Variants in RTL9 observed in about 807,000 individuals in gnomAD.
RTL9 encodes the protein retrotransposon Gag-like protein 9.
A neutral mutation model predicts 44.7 loss-of-function variants in RTL9; 19 were observed. That is an observed-to-expected ratio of 0.42 (90% CI 0.30 to 0.62). The LOEUF is 0.62. Ranked by LOEUF, RTL9 falls within the 20% of genes least tolerant of loss-of-function variation. RTL9 has a pLI of 0.16. For missense variants in RTL9, 1,105 were observed against 1,080.6 expected (o/e 1.02, Z -0.32); for synonymous variants, 407 against 398.9 (o/e 1.02, Z -0.24).
chrX:110,381,408 A>C (rs1016250369), intron 1 of RTL9, among the ~76,000 whole-genome samples: 1 of 112,078 alleles, frequency 8.9e-6, no homozygotes, highest in Non-Finnish European at 1.9e-5. Context: ...GGCTATTATT[A>C]AAACGTCAAA....
intron 2 of RTL9, among the ~76,000 whole-genome samples, chrX:110,445,554 A>G (rs928150483): frequency 1.8e-5 from 2 of 111,653 alleles, no homozygotes; most frequent in African/African-American, 6.5e-5. Context: ...AAGATCCTAA[A>G]GTAGACCAGG....
chrX:110,453,450 G>T (rs1257728312), exon 1 of RTL9: 4 of 1,211,636 alleles, frequency 3.3e-6, no homozygotes, highest in Admixed American at 2.2e-5. Flanking sequence ...AACAGCCATG[G>T]TCTCTGGAGG....
upstream of RTL9, among the ~76,000 whole-genome samples, chrX:110,447,802 C>G (rs1482607969): frequency 9.0e-6 from 1 of 111,251 alleles, no homozygotes; most frequent in African/African-American, 3.3e-5. Context: ...CTCTACATCC[C>G]TATACCTAGG....
At chrX:110,385,517 C>T (rs2068449137) in intron 1 of RTL9, among the ~76,000 whole-genome samples, 1 of 111,530 alleles carries the variant, frequency 9.0e-6, no homozygotes, top group Non-Finnish European at 1.9e-5. Context: ...ATCCCTGAAG[C>T]TCCCTCTCCC....
At chrX:110,429,011 G>A (rs2068775346) in intron 1 of RTL9, among the ~76,000 whole-genome samples, 1 of 111,459 alleles carries the variant, frequency 9.0e-6, no homozygotes, top group African/African-American at 3.3e-5. Flanking sequence ...CTTTCTCCAC[G>A]GCTTTTGTCA....
rs1388053025 is a variant in RTL9 at position 110,377,958 on chromosome X, G to A, written c.-168+19042G>A. 8.4e-5 allele frequency among the ~76,000 whole-genome samples: 8 copies of A among 94,675 alleles called. No homozygotes were observed. In the South Asian group the frequency reaches 2.6e-3, roughly 31 times the overall value. 82.2% of individuals were successfully genotyped at this position (94,675 alleles called of 115,157 possible). On this transcript the variant is annotated intron_variant, in intron 1 of 2. Coordinates refer to the RTL9 transcript ENST00000520821. ...CGGGAGGCGGAGCTTGCAGTGAGCC[G>A]AGATCGCGCCACTGCACTCCAGCCT...
At chrX:110,436,947 T>C (rs1205220489) in intron 1 of RTL9, among the ~76,000 whole-genome samples, 2 of 112,060 alleles carry the variant, frequency 1.8e-5, no homozygotes, top group African/African-American at 6.5e-5. Flanking sequence ...GCTTTGTTAG[T>C]GCTTCAGGAG....
chrX:110,423,935 G>GT (rs1186468598), intron 1 of RTL9, among the ~76,000 whole-genome samples: 3 of 112,376 alleles, frequency 2.7e-5, no homozygotes, highest in Non-Finnish European at 5.6e-5. Context: ...GATGTCTGTA[G>GT]TTTTTTCATG....
chrX:110,374,790 A>C (rs894854114), intron 1 of RTL9, among the ~76,000 whole-genome samples: 7 of 110,633 alleles, frequency 6.3e-5, no homozygotes, highest in African/African-American at 2.3e-4. Flanking sequence ...ATAGGATAGG[A>C]AATGAGCTTG....
chrX:110,437,723 G>T (rs1165549485), intron 1 of RTL9, among the ~76,000 whole-genome samples: 3 of 111,491 alleles, frequency 2.7e-5, no homozygotes, highest in Non-Finnish European at 3.8e-5. Flanking sequence ...TGGGAAGGGG[G>T]TCTCAAAAGT....
chrX:110,450,643 G>A (rs1395626075), exon 1 of RTL9: 2 of 1,208,507 alleles, frequency 1.7e-6, no homozygotes, highest in Non-Finnish European at 2.2e-6. Context: ...CATTCACTGC[G>A]ATTCAACAAT....
At chrX:110,418,842 T>G (rs1044328867), upstream of RTL9, among the ~76,000 whole-genome samples, 7 of 111,819 alleles carry the variant, frequency 6.3e-5, no homozygotes, top group Non-Finnish European at 1.1e-4. Flanking sequence ...AATTAAGCAG[T>G]GAGTTCTTTC....
At chrX:110,411,404 C>T (rs948168879) in intron 1 of RTL9, among the ~76,000 whole-genome samples, 6 of 111,747 alleles carry the variant, frequency 5.4e-5, no homozygotes, top group Non-Finnish European at 1.1e-4. Flanking sequence ...CTGTGACAAC[C>T]GGCCTGCCAC....
At chrX:110,454,580 A>G in exon 1 of RTL9, 1 of 1,211,719 alleles carries the variant, frequency 8.3e-7, no homozygotes, top group Non-Finnish European at 1.1e-6. Context: ...CAGGCAACTC[A>G]AGCCAGGTTC....
chrX:110,453,353 A>G, exon 1 of RTL9: 1 of 1,211,792 alleles, frequency 8.3e-7, no homozygotes, highest in South Asian at 1.8e-5. Context: ...CTATGTCCAC[A>G]CCACTAAGGA....
At chrX:110,412,529 G>C (rs1356223787) in intron 1 of RTL9, among the ~76,000 whole-genome samples, 1 of 111,957 alleles carries the variant, frequency 8.9e-6, no homozygotes, top group Non-Finnish European at 1.9e-5. Flanking sequence ...TAACCTCTCT[G>C]TGCCGTTTCT....
intron 1 of RTL9, among the ~76,000 whole-genome samples, chrX:110,362,109 A>G (rs2068267827): frequency 8.9e-6 from 1 of 111,956 alleles, no homozygotes; most frequent in African/African-American, 3.2e-5. Context: ...GAATGAATGC[A>G]TCAGTGGGAG....
At position 110,455,440 on chromosome X, in the gene RTL9, G is replaced by A. The variant is rs897394256; in HGVS notation, c.*119G>A. Reference sequence around the variant, plus strand: ...TGTTGCCTTCACCCTTCAGCCTCCCGCTCCAGGCACATCCCACCTTACCTC... The same window carrying A: ...TGTTGCCTTCACCCTTCAGCCTCCCACTCCAGGCACATCCCACCTTACCTC... On this transcript the variant is annotated 3_prime_UTR_variant, in exon 2 of 2. Coordinates refer to ENST00000540313, the Ensembl canonical transcript of RTL9. 6.7e-6 allele frequency: 6 copies of A among 897,171 alleles called. No individual in the cohort carries two copies. In the East Asian group the frequency reaches 9.6e-5, roughly 14 times the overall value. 73.9% of individuals were successfully genotyped at this position (897,171 alleles called of 1,213,427 possible). A position where few individuals can be genotyped will look rare whatever the true frequency, so the allele number is the denominator to read the frequency against.
At chrX:110,384,765 C>G (rs929179358) in intron 1 of RTL9, among the ~76,000 whole-genome samples, 1 of 110,915 alleles carries the variant, frequency 9.0e-6, no homozygotes, top group African/African-American at 3.3e-5. Context: ...CCGAACCCCC[C>G]ACCATAGCTC....
Sources: allele counts gnomAD v4.1 joint callset (sites outside exome capture counted in the v4.1 genomes callset), GRCh38; gene constraint gnomAD v4.1.1; transcripts MANE v1.5; gene names NCBI Gene and HGNC (gene_info 2026-07-23, HGNC 2026-07-21).